Variants in STIMATE observed in about 807,000 individuals in gnomAD.
STIMATE encodes STIM activating enhancer, also known as store-operated calcium entry regulator STIMATE.
In STIMATE, 15 loss-of-function variants were observed where a neutral mutation model predicts 36.7. The ratio of observed to expected loss-of-function variants is 0.41; its 90% CI spans 0.27 to 0.63. The LOEUF (loss-of-function observed/expected upper bound fraction) is 0.63, where lower values mean the gene tolerates loss of function less well. STIMATE is among the 20% of genes least tolerant of loss of function. The pLI is 0.32. For synonymous variants in STIMATE, 163 were observed against 162.3 expected, an observed-to-expected ratio of 1.00 and a Z score of -0.03; for missense variants, 305 against 397.3, an observed-to-expected ratio of 0.77 and a Z score of 1.98.
At chr3:52,884,538 G>A (rs368801495) in intron 1 of STIMATE, among the ~76,000 whole-genome samples, 20 of 152,208 alleles carry the variant, frequency 1.3e-4, no homozygotes, top group East Asian at 7.7e-4. Flanking sequence ...GACCTACCGC[G>A]CCCGCCCAAA....
chr3:52,840,404 C>G lies in STIMATE; in HGVS notation c.*90G>C, dbSNP rs1255232689. 1 of 1,377,076 alleles carries G rather than the reference C, an allele frequency of 7.3e-7. No individual in the cohort carries two copies. Among genetic ancestry groups the G allele is most frequent in the Non-Finnish European group, 1.0e-6 (1 of 992,876 alleles). The allele number at this position is 1,377,076 out of a possible 1,614,324, so 85.3% of individuals were successfully genotyped here. On this transcript the variant is annotated 3_prime_UTR_variant, in exon 8 of 8. Coordinates refer to ENST00000355083, the MANE Select transcript of STIMATE (RefSeq NM_198563.5). ...GAGGAGCAGAGGTAGAAAGGAAGGGCAGAGAGAGGGTAAGGAACGATGCTG... is the reference window on the plus strand; with the variant it reads ...GAGGAGCAGAGGTAGAAAGGAAGGGGAGAGAGAGGGTAAGGAACGATGCTG...
intron 1 of STIMATE, among the ~76,000 whole-genome samples, chr3:52,887,457 G>C (rs1007219699): frequency 1.3e-5 from 2 of 152,204 alleles, no homozygotes; most frequent in Admixed American, 6.5e-5. Flanking sequence ...CTGGCAAAAG[G>C]AAGATGGGGG....
chr3:52,846,690 A>T (rs935875354), intron 4 of STIMATE: 4 of 152,238 alleles, frequency 2.6e-5, no homozygotes, highest in Admixed American at 6.5e-5. Flanking sequence ...GAAAGTTCAG[A>T]AACGTGAGAA....
chr3:52,889,480 C>A (rs1446208585), intron 1 of STIMATE, among the ~76,000 whole-genome samples: 2 of 152,186 alleles, frequency 1.3e-5, no homozygotes, highest in African/African-American at 4.8e-5. Flanking sequence ...AATGGAAGGT[C>A]TGCACAACCA....
intron 2 of STIMATE, among the ~76,000 whole-genome samples, chr3:52,854,468 G>A (rs139383719): frequency 7.9e-4 from 121 of 152,346 alleles, no homozygotes; most frequent in African/African-American, 2.7e-3. Flanking sequence ...GATTTGGAGC[G>A]CTTCCGGGCT....
chr3:52,889,304 G>T (rs981344642), intron 1 of STIMATE, among the ~76,000 whole-genome samples: 1 of 152,212 alleles, frequency 6.6e-6, no homozygotes, highest in Non-Finnish European at 1.5e-5. Context: ...CTCAGTGGGC[G>T]ACGGTGGTTC....
intron 1 of STIMATE, among the ~76,000 whole-genome samples, chr3:52,862,393 C>A (rs11708390): frequency 0.098 from 14,964 of 152,292 alleles, 933 homozygotes; most frequent in Non-Finnish European, 0.14. Flanking sequence ...CAGCACTGAG[C>A]ACTTACTCTG....
intron 1 of STIMATE, among the ~76,000 whole-genome samples, chr3:52,863,453 G>A (rs1701251810): frequency 1.3e-5 from 2 of 152,302 alleles, no homozygotes; most frequent in South Asian, 4.1e-4. Flanking sequence ...TCTCCCACCA[G>A]GTCCCTCCCG....
chr3:52,881,497 G>A (rs933104319), intron 1 of STIMATE, among the ~76,000 whole-genome samples: 3 of 152,110 alleles, frequency 2.0e-5, no homozygotes, highest in African/African-American at 4.8e-5. Flanking sequence ...GAGGTCAGGA[G>A]ATCGAGACCA....
intron 5 of STIMATE, among the ~76,000 whole-genome samples, chr3:52,844,082 C>T (rs1482375578): frequency 6.6e-6 from 1 of 152,124 alleles, no homozygotes; most frequent in African/African-American, 2.4e-5. Context: ...GCAAGCAGTG[C>T]CCACCGGGAG....
Position 52,840,460 on chromosome 3 carries a change from G to A in STIMATE, c.*34C>T, listed in dbSNP as rs1312155469. The A allele has an allele frequency of 9.3e-6, 15 of 1,609,200 alleles. No individual in the cohort carries two copies. The highest frequency in any genetic ancestry group is 5.0e-5 in the Admixed American group (3 of 59,802). On this transcript the variant is annotated 3_prime_UTR_variant, in exon 8 of 8. Coordinates refer to ENST00000355083, the MANE Select transcript of STIMATE (RefSeq NM_198563.5). ...TGACCTCTGCACACCAGCGGCTGGC[G>A]GGGCCCTCCCGTCACCCCCAGCATG... is the stretch of plus-strand genomic sequence containing the variant.
intron 1 of STIMATE, among the ~76,000 whole-genome samples, chr3:52,883,969 G>T (rs1164493001): frequency 6.6e-6 from 1 of 152,124 alleles, no homozygotes; most frequent in Non-Finnish European, 1.5e-5. Context: ...AGAAATTGTT[G>T]ATTGGGGCTA....
Position 52,855,504 on chromosome 3 carries a change from A to C in STIMATE, c.161-60T>G, listed in dbSNP as rs374057135. The C allele has an allele frequency of 7.4e-6, 12 of 1,610,760 alleles. 1 individual carries two copies. The South Asian group carries it at 1.2e-4, about 16-fold the overall frequency. Reference sequence around the variant, plus strand: ...AGAAGTTACATAAAGCAAGATGCACATAACAAGCTGGGTTATCAGTCTACT... The same window carrying C: ...AGAAGTTACATAAAGCAAGATGCACCTAACAAGCTGGGTTATCAGTCTACT... On this transcript the variant is annotated intron_variant, in intron 1 of 7. Transcript: ENST00000355083.
intron 1 of STIMATE, among the ~76,000 whole-genome samples, chr3:52,888,366 A>G (rs1701727735): frequency 6.6e-6 from 1 of 152,152 alleles, no homozygotes; most frequent in Non-Finnish European, 1.5e-5. Context: ...CCATGCGAAG[A>G]CTGGATGCAC....
At chr3:52,859,776 G>A (rs991295073) in intron 1 of STIMATE, among the ~76,000 whole-genome samples, 24 of 151,818 alleles carry the variant, frequency 1.6e-4, no homozygotes, top group Non-Finnish European at 2.6e-4. Flanking sequence ...CAGAATTTAC[G>A]AAAGAAAAGA....
At chr3:52,890,302 T>G (rs903490189) in intron 1 of STIMATE, among the ~76,000 whole-genome samples, 1 of 152,228 alleles carries the variant, frequency 6.6e-6, no homozygotes, top group Non-Finnish European at 1.5e-5. Flanking sequence ...ATCCTGATAG[T>G]CCACTGTTCT....
intron 4 of STIMATE, chr3:52,848,228 C>T (rs1700940505): frequency 6.6e-6 from 1 of 152,306 alleles, no homozygotes; most frequent in Non-Finnish European, 1.5e-5. Context: ...TCAGGATGGT[C>T]CCCACAGCTT....
chr3:52,840,249 T>G lies in STIMATE; in HGVS notation c.*245A>C. The G allele has an allele frequency of 1.1e-5, 4 of 359,342 alleles. No homozygotes were observed. Among genetic ancestry groups the G allele is most frequent in the African/African-American group, 2.1e-5 (1 of 48,000 alleles). 22.3% of individuals were successfully genotyped at this position (359,342 alleles called of 1,614,324 possible). On this transcript the variant is annotated 3_prime_UTR_variant, in exon 8 of 8. Transcript: ENST00000355083. Reference sequence around the variant, plus strand: ...CAAACACAGCTCCTTCCTTGCATATTTGGTCAGTGTTTGTAGTGCAACTGA... The same window carrying G: ...CAAACACAGCTCCTTCCTTGCATATGTGGTCAGTGTTTGTAGTGCAACTGA...
At chr3:52,849,415 A>G (rs1700960737) in intron 4 of STIMATE, among the ~76,000 whole-genome samples, 1 of 152,222 alleles carries the variant, frequency 6.6e-6, no homozygotes, top group Non-Finnish European at 1.5e-5. Flanking sequence ...GAGCTGCCCC[A>G]TCTCTTTAAC....
Sources: gnomAD v4.1 joint callset for allele counts (sites outside exome capture counted in the v4.1 genomes callset) on GRCh38, gnomAD v4.1.1 for gene constraint, MANE v1.5 for transcripts, NCBI Gene and HGNC (gene_info 2026-07-23, HGNC 2026-07-21) for gene names.